DAB2IP: variants seen among roughly 807,000 people sequenced by gnomAD.
DAB2IP encodes disabled homolog 2-interacting protein.
Under a neutral mutation model 107.2 loss-of-function variants are expected in DAB2IP, and 28 were observed. The observed-to-expected ratio is 0.26, with a 90% CI of 0.19 to 0.36. DAB2IP has a LOEUF of 0.36. Among genes scored for constraint, DAB2IP ranks in the 10% least tolerant of loss-of-function variants. The pLI is 1.00. For missense variants in DAB2IP, 1,400 were observed against 1,644.7 expected (o/e 0.85, Z 2.57); for synonymous variants, 755 against 706.4 (o/e 1.07, Z -1.09).
chr9:121,654,255 T>C (rs1589458178), intron 1 of DAB2IP, among the ~76,000 whole-genome samples: 2 of 151,338 alleles, frequency 1.3e-5, no homozygotes, highest in East Asian at 3.9e-4. Context: ...TCCTCCTGGG[T>C]TTGGGGAGGG....
rs1834831803 is a variant in DAB2IP at position 121,772,461 on chromosome 9, C to A, written c.2079-146C>A. On this transcript the variant is annotated intron_variant, in intron 11 of 15. Coordinates refer to ENST00000408936, the Ensembl canonical transcript of DAB2IP. The surrounding 1 kb of genome is among the most constrained non-coding windows in gnomAD (Gnocchi z 4.7). ...GGTCCCCGGATTCTCCCACTCCTGCCACCCCAGCGCATCCATCTCCCCAGC... is the reference window on the plus strand; with the variant it reads ...GGTCCCCGGATTCTCCCACTCCTGCAACCCCAGCGCATCCATCTCCCCAGC... 4.7e-6 allele frequency: 4 copies of A among 842,334 alleles called. No homozygotes were observed. The highest frequency in any genetic ancestry group is 1.9e-6 in the Non-Finnish European group (1 of 536,918). 52.2% of individuals were successfully genotyped at this position (842,334 alleles called of 1,614,324 possible). A position where few individuals can be genotyped will look rare whatever the true frequency, so the allele number is the denominator to read the frequency against.
chr9:121,614,635 G>A (rs976175563), intron 1 of DAB2IP, among the ~76,000 whole-genome samples: 3 of 151,822 alleles, frequency 2.0e-5, no homozygotes, highest in African/African-American at 7.3e-5. Flanking sequence ...CACTGCGCCC[G>A]GCCCCACCTC....
intron 1 of DAB2IP, among the ~76,000 whole-genome samples, chr9:121,577,401 C>T (rs961688352): frequency 3.9e-5 from 6 of 152,214 alleles, no homozygotes; most frequent in Admixed American, 6.5e-5. Context: ...ATTCCCAGGG[C>T]GCCTCTGTGT....
At chr9:121,755,735 C>T (rs1047233096) in intron 3 of DAB2IP, among the ~76,000 whole-genome samples, 1 of 152,144 alleles carries the variant, frequency 6.6e-6, no homozygotes. Context: ...TCTTGAGCAC[C>T]CATGGAGTGG....
chr9:121,737,478 G>T (rs917071497), intron 3 of DAB2IP: 1 of 985,322 alleles, frequency 1.0e-6, no homozygotes, highest in Non-Finnish European at 1.2e-6. Flanking sequence ...ATGCCGGCCC[G>T]GCCGAGAGGC....
intron 1 of DAB2IP, among the ~76,000 whole-genome samples, chr9:121,630,004 AT>A (rs921751885): frequency 6.6e-6 from 1 of 152,224 alleles, no homozygotes; most frequent in Non-Finnish European, 1.5e-5. Context: ...ATTAATTAGA[AT>A]TACAAATGGT....
At chr9:121,744,835 TG>T in intron 3 of DAB2IP, among the ~76,000 whole-genome samples, 2 of 152,116 alleles carry the variant, frequency 1.3e-5, no homozygotes, top group Non-Finnish European at 2.9e-5. Context: ...TTGTCAGTTC[TG>T]GGGGAGGCTT....
At chr9:121,769,233 C>T (rs1834517539) in intron 10 of DAB2IP, among the ~76,000 whole-genome samples, 1 of 152,194 alleles carries the variant, frequency 6.6e-6, no homozygotes, top group Non-Finnish European at 1.5e-5. Flanking sequence ...AAGGGACCAC[C>T]TTACTTTTGT....
intron 1 of DAB2IP, among the ~76,000 whole-genome samples, chr9:121,609,919 G>A (rs1352330717): frequency 3.3e-5 from 5 of 152,192 alleles, no homozygotes; most frequent in African/African-American, 1.2e-4. Flanking sequence ...AGCCAGCAAC[G>A]CCAAGCCTGC....
chr9:121,600,538 C>T (rs970528410), intron 1 of DAB2IP, among the ~76,000 whole-genome samples: 2 of 152,118 alleles, frequency 1.3e-5, no homozygotes, highest in Admixed American at 1.3e-4. Flanking sequence ...TCCCTCTGGC[C>T]CCTTCTGCTA....
chr9:121,626,645 A>G (rs576816576), intron 1 of DAB2IP, among the ~76,000 whole-genome samples: 1 of 151,960 alleles, frequency 6.6e-6, no homozygotes, highest in African/African-American at 2.4e-5. Flanking sequence ...GCTGGTCTCA[A>G]ACTCCTGATC....
In DAB2IP at chr9:121,776,385, TCAG is replaced by T; in HGVS notation, c.3312_3314del (p.Ser1104del). 6.5e-7 allele frequency: 1 copy of T among 1,539,410 alleles called. No homozygotes were observed. Among genetic ancestry groups the T allele is most frequent in the Non-Finnish European group, 8.8e-7 (1 of 1,141,144 alleles). ...AAGGACATCCAGATGAAGGGCATCA[TCAG>T]CAGGTGGGGCCCACACCTGCCTGGC... On this transcript the variant is annotated inframe_deletion, in exon 14 of 16. Transcript: ENST00000408936. The surrounding 1 kb of genome is among the most constrained non-coding windows in gnomAD (Gnocchi z 5.4).
Position 121,634,272 on chromosome 9 carries a change from G to C in DAB2IP, c.41-44406G>C, listed in dbSNP as rs1055800542. 6.6e-6 allele frequency among the ~76,000 whole-genome samples: 1 copy of C among 152,240 alleles called. No individual in the cohort carries two copies. Among genetic ancestry groups the C allele is most frequent in the South Asian group, 2.1e-4 (1 of 4,832 alleles). The stretch of plus-strand genomic sequence containing the variant: ...ATGGGAATCCTGTGCTTTTAAGACA[G>C]GAGTAGGGCCAGAAAGAGGAGAGAT... On this transcript the variant is annotated intron_variant, in intron 1 of 16. Coordinates refer to the DAB2IP transcript ENST00000259371. The surrounding 1 kb of genome is among the most constrained non-coding windows in gnomAD (Gnocchi z 4.7).
chr9:121,655,482 G>A (rs1832933256), intron 1 of DAB2IP, among the ~76,000 whole-genome samples: 2 of 152,220 alleles, frequency 1.3e-5, no homozygotes, highest in Admixed American at 1.3e-4. Flanking sequence ...ACATGGAGAT[G>A]AATCACATGT....
intron 2 of DAB2IP, among the ~76,000 whole-genome samples, chr9:121,688,148 G>A (rs1301857902): frequency 2.0e-5 from 3 of 152,196 alleles, no homozygotes; most frequent in African/African-American, 7.2e-5. Context: ...CTGCATGTCA[G>A]GGGCAAGGCT....
intron 3 of DAB2IP, among the ~76,000 whole-genome samples, chr9:121,755,772 C>A (rs1027146345): frequency 6.6e-6 from 1 of 152,122 alleles, no homozygotes; most frequent in Non-Finnish European, 1.5e-5. Context: ...CCGGGGCAGT[C>A]GCAGAAATGA....
At chr9:121,779,849 TGCTCCTCTCTG>T (rs530654660) in intron 14 of DAB2IP, among the ~76,000 whole-genome samples, 31 of 152,364 alleles carry the variant, frequency 2.0e-4, no homozygotes, top group African/African-American at 7.5e-4. Context: ...CTCTGCCTCT[TGCTCCTCTCTG>T]GCTTCTGCCC....
At chr9:121,583,421 A>G (rs1564683038) in intron 1 of DAB2IP, among the ~76,000 whole-genome samples, 1 of 152,154 alleles carries the variant, frequency 6.6e-6, no homozygotes, top group Non-Finnish European at 1.5e-5. Flanking sequence ...AGAGGCCAAG[A>G]AAGAGAAAAC....
rs1369426644 is a variant in DAB2IP, at chr9:121,736,264, G to A, written c.363-20749G>A. 6.6e-6 allele frequency among the ~76,000 whole-genome samples: 1 copy of A among 152,230 alleles called. No homozygotes were observed. Among genetic ancestry groups the A allele is most frequent in the Admixed American group, 6.5e-5 (1 of 15,290 alleles). Reference sequence around the variant, plus strand: ...GGTCTAAGCCCGACGAACCCGGGGTGGGGCCAGCGGGCCAAACTGGAATGC... The same window carrying A: ...GGTCTAAGCCCGACGAACCCGGGGTAGGGCCAGCGGGCCAAACTGGAATGC... On this transcript the variant is annotated intron_variant, in intron 3 of 15. Coordinates refer to ENST00000408936, the Ensembl canonical transcript of DAB2IP. The surrounding 1 kb of genome is among the most constrained non-coding windows in gnomAD (Gnocchi z 4.6).
Sources: allele counts gnomAD v4.1 joint callset (sites outside exome capture counted in the v4.1 genomes callset), GRCh38; gene constraint gnomAD v4.1.1; non-coding constraint Gnocchi (gnomAD v3.1); transcripts MANE v1.5; gene names NCBI Gene and HGNC (gene_info 2026-07-23, HGNC 2026-07-21).